Variants in HPSE observed in about 807,000 individuals in gnomAD.
The protein encoded by HPSE is heparanase, also known as endo-glucoronidase.
HPSE carries 48 observed loss-of-function variants against 65.1 expected under a neutral mutation model. The ratio of observed to expected loss-of-function variants is 0.74; its 90% CI spans 0.58 to 0.94. HPSE has a LOEUF of 0.94. Ranked by LOEUF, HPSE falls within the 40% of genes least tolerant of loss-of-function variation. HPSE has a pLI of 0.00. For synonymous variants in HPSE, 243 were observed against 260.0 expected (o/e 0.93, Z 0.63); for missense variants, 644 against 637.5 (o/e 1.01, Z -0.11).
chr4:83,309,563 T>A, intron 6 of HPSE, 68 bp from the exon 7 acceptor site: 1 of 885,542 alleles, frequency 1.1e-6, no homozygotes, highest in Non-Finnish European at 1.8e-6. Context: ...GGTTAATTGC[T>A]GACCTTATTC....
In HPSE at chr4:83,334,616, A is replaced by G. The variant is rs1304948879; in HGVS notation, c.167T>C (p.Phe56Ser). Residue 56 changes from phenylalanine (F) to serine (S), a missense_variant, in exon 1 of 12, where the codon TTC becomes TCC. Phe to Ser is a radical substitution (Grantham distance 155, BLOSUM62 -2). Transcript: ENST00000311412. ...QEPLHLVSPS[F>S]LSVTIDANLA... ...GTTGGCGTCAATGGTGACGGACAGG[A>G]ACGAGGGGCTCACCAGGTGCAGCGG... 1.3e-6 allele frequency: 2 copies of G among 1,592,864 alleles called. No individual in the cohort carries two copies. The highest frequency in any genetic ancestry group is 1.3e-5 in the African/African-American group (1 of 74,590).
At chr4:83,301,323 A>G (rs775660832) in intron 10 of HPSE, among the ~76,000 whole-genome samples, 6 of 152,180 alleles carry the variant, frequency 3.9e-5, no homozygotes, top group Admixed American at 3.9e-4. Flanking sequence ...CACAATTAAA[A>G]ATGTTGCCGT....
chr4:83,317,405 A>G (rs1736696510), intron 3 of HPSE, among the ~76,000 whole-genome samples: 3 of 152,218 alleles, frequency 2.0e-5, no homozygotes, highest in Admixed American at 1.3e-4. Context: ...CCCAAACTAA[A>G]CACAGAAGAT....
intron 4 of HPSE, among the ~76,000 whole-genome samples, chr4:83,312,896 C>T (rs567642157): frequency 0.018 from 1,462 of 82,422 alleles, 49 homozygotes; most frequent in African/African-American, 0.075. Context: ...GTGGCGGGTG[C>T]CTGTAGTCCC....
At chr4:83,298,784 C>T (rs1735823779) in intron 11 of HPSE, among the ~76,000 whole-genome samples, 1 of 152,008 alleles carries the variant, frequency 6.6e-6, no homozygotes, top group South Asian at 2.1e-4. Context: ...GCTGTGACCG[C>T]ACCACTACTC....
At position 83,334,623 on chromosome 4, in the gene HPSE, G is replaced by A. The variant is rs1201742038; in HGVS notation, c.160C>T (p.Pro54Ser). 2 of 1,591,452 alleles carry A rather than the reference G, an allele frequency of 1.3e-6. No individual in the cohort carries two copies. Among genetic ancestry groups the A allele is most frequent in the Non-Finnish European group, 8.6e-7 (1 of 1,168,926 alleles). Residue 54 changes from proline to serine, a missense_variant, in exon 1 of 12, where the codon CCC becomes TCC. Coordinates refer to ENST00000311412, the MANE Select transcript of HPSE (RefSeq NM_001098540.3). ...TCAATGGTGACGGACAGGAACGAGGGGCTCACCAGGTGCAGCGGCTCCTGG... is the reference window on the plus strand; with the variant it reads ...TCAATGGTGACGGACAGGAACGAGGAGCTCACCAGGTGCAGCGGCTCCTGG... ...FTQEPLHLVS[P>S]SFLSVTIDAN...
At chr4:83,318,263 A>C (rs1441265796) in intron 3 of HPSE, among the ~76,000 whole-genome samples, 1 of 152,192 alleles carries the variant, frequency 6.6e-6, no homozygotes, top group East Asian at 1.9e-4. Context: ...TTTAACTGAG[A>C]TATGGGAACA....
At chr4:83,317,141 C>T (rs1331666107) in intron 3 of HPSE, among the ~76,000 whole-genome samples, 1 of 152,184 alleles carries the variant, frequency 6.6e-6, no homozygotes, top group Non-Finnish European at 1.5e-5. Context: ...TCAGGTAATC[C>T]ACCCGCCTCA....
intron 3 of HPSE, among the ~76,000 whole-genome samples, chr4:83,316,909 T>C (rs1002971379): frequency 5.3e-5 from 8 of 152,144 alleles, no homozygotes; most frequent in Admixed American, 5.2e-4. Context: ...TTTTTTGTTT[T>C]TGTTTTTTTG....
intron 1 of HPSE, among the ~76,000 whole-genome samples, chr4:83,322,789 TTG>T (rs386400677): frequency 0.031 from 3,261 of 103,784 alleles, 42 homozygotes; most frequent in African/African-American, 0.079. Context: ...AAGAGCTTGT[TTG>T]TGTGTGTGTG....
At position 83,292,560 on chromosome 4, in the gene HPSE, C is replaced by G. The variant is rs1307949986; in HGVS notation, c.*2784G>C. ...GAAAGATCTAAAATTTAATTTTCAG[C>G]TTTAGCTCCTTACAAATATACTTAA... On this transcript the variant is annotated 3_prime_UTR_variant, in exon 12 of 12. Coordinates refer to ENST00000311412, the MANE Select transcript of HPSE (RefSeq NM_001098540.3). The G allele has an allele frequency of 6.6e-6, 1 of 152,152 alleles. No homozygotes were observed. The allele number at this position is 152,152 out of a possible 1,614,324, so 9.4% of individuals were successfully genotyped here.
At chr4:83,309,805 GTTC>G (rs1457514196) in intron 6 of HPSE, among the ~76,000 whole-genome samples, 1 of 152,176 alleles carries the variant, frequency 6.6e-6, no homozygotes, top group Non-Finnish European at 1.5e-5. Flanking sequence ...AATTGGCACT[GTTC>G]TTCTGTATAA....
intron 3 of HPSE, among the ~76,000 whole-genome samples, chr4:83,315,767 A>G (rs973381424): frequency 2.6e-5 from 4 of 152,216 alleles, no homozygotes; most frequent in African/African-American, 7.2e-5. Context: ...ACATGTGAAA[A>G]CTGTCTGTAA....
chr4:83,314,776 C>T (rs1736562036), intron 3 of HPSE, among the ~76,000 whole-genome samples: 1 of 152,160 alleles, frequency 6.6e-6, no homozygotes, highest in African/African-American at 2.4e-5. Context: ...GGCAAACTTA[C>T]ACCCTTTCTC....
intron 4 of HPSE, among the ~76,000 whole-genome samples, chr4:83,312,557 A>G (rs1222838406): frequency 1.3e-5 from 2 of 149,790 alleles, no homozygotes; most frequent in East Asian, 3.9e-4. Context: ...GGGTGCGTGT[A>G]GTCCCAGCTA....
intron 1 of HPSE, among the ~76,000 whole-genome samples, chr4:83,327,682 G>C (rs889078083): frequency 1.9e-4 from 29 of 152,196 alleles, no homozygotes; most frequent in African/African-American, 6.8e-4. Flanking sequence ...GCAGAGGTGT[G>C]CTGGAGTTGG....
intron 8 of HPSE, among the ~76,000 whole-genome samples, chr4:83,307,405 G>T (rs1183031397): frequency 1.4e-5 from 2 of 145,726 alleles, no homozygotes; most frequent in African/African-American, 4.9e-5. Flanking sequence ...AATGGCAACT[G>T]CATGCAGCAG....
rs1448230491 is a variant in HPSE at position 83,308,850 on chromosome 4, G to A, written c.1086C>T (p.Gly362=). The part of the protein sequence containing the change: ...APLLSDTFAA[G]FMWLDKLGLS... ...GCCAGCGCTGCTTCACTCACATAAA[G>A]CCAGCTGCAAAGGTGTCGGATAGCA... is the stretch of plus-strand genomic sequence containing the variant. The change falls in exon 8 of 12, where the codon GGC becomes GGT. Residue 362 remains glycine (G), a synonymous_variant. Coordinates refer to ENST00000311412, the MANE Select transcript of HPSE (RefSeq NM_001098540.3). 2.5e-6 allele frequency: 4 copies of A among 1,612,884 alleles called. No homozygotes were observed. The highest frequency in any genetic ancestry group is 2.2e-5 in the East Asian group (1 of 44,884).
intron 8 of HPSE, among the ~76,000 whole-genome samples, chr4:83,306,761 G>T (rs920362026): frequency 6.6e-6 from 1 of 152,080 alleles, no homozygotes; most frequent in Non-Finnish European, 1.5e-5. Context: ...CCCCCTTCTT[G>T]CCTGGGGACA....
Sources: allele counts gnomAD v4.1 joint callset (sites outside exome capture counted in the v4.1 genomes callset), GRCh38; gene constraint gnomAD v4.1.1; transcripts MANE v1.5; gene names NCBI Gene and HGNC (gene_info 2026-07-23, HGNC 2026-07-21).